Variants in STX11 observed in about 807,000 individuals in gnomAD.
The protein encoded by STX11 is syntaxin-11.
A neutral mutation model predicts 19.9 loss-of-function variants in STX11; 21 were observed. That is an observed-to-expected ratio of 1.06 (90% CI 0.75 to 1.52). STX11 has a LOEUF of 1.52. STX11 is among the 40% of genes most tolerant of loss of function. STX11 has a pLI of 0.00. For synonymous variants in STX11, 193 were observed against 174.4 expected (o/e 1.11, Z -0.84); for missense variants, 438 against 405.9 (o/e 1.08, Z -0.68).
chr6:144,141,060 CA>C, the STX11 span, among the ~76,000 whole-genome samples: 1 of 152,072 alleles, frequency 6.6e-6, no homozygotes, highest in Non-Finnish European at 1.5e-5. Context: ...CAGACGAAGG[CA>C]ATGGTGCAAA....
chr6:144,148,015 A>G (rs1800907920), upstream of STX11, among the ~76,000 whole-genome samples: 1 of 152,254 alleles, frequency 6.6e-6, no homozygotes, highest in African/African-American at 2.4e-5. Flanking sequence ...CATCAAATTA[A>G]CCATCACAGC....
intron 1 of STX11, among the ~76,000 whole-genome samples, chr6:144,164,237 A>G (rs1801419506): frequency 6.6e-6 from 1 of 152,146 alleles, no homozygotes; most frequent in Admixed American, 6.5e-5. Flanking sequence ...AGCCTTCCCA[A>G]CTTGGTTTAT....
chr6:144,140,060 G>T, the STX11 span, among the ~76,000 whole-genome samples: 1 of 151,164 alleles, frequency 6.6e-6, no homozygotes, highest in African/African-American at 2.4e-5. Context: ...AGGAGCGAGG[G>T]ACTGACAGGA....
chr6:144,164,404 C>T (rs537801665), intron 1 of STX11, among the ~76,000 whole-genome samples: 1 of 152,128 alleles, frequency 6.6e-6, no homozygotes, highest in African/African-American at 2.4e-5. Context: ...AAATTGTATG[C>T]ATTTCATGAT....
At chr6:144,179,220 C>G (rs534464109) in intron 1 of STX11, among the ~76,000 whole-genome samples, 1 of 152,322 alleles carries the variant, frequency 6.6e-6, no homozygotes, top group Admixed American at 6.5e-5. Flanking sequence ...ACCACCAGAA[C>G]AGCATGGGGG....
Position 144,169,886 on chromosome 6 carries a change from G to A in STX11, c.-5-16737G>A, listed in dbSNP as rs966469467. Among the ~76,000 whole-genome samples the A allele has an allele frequency of 3.3e-5, 5 of 152,080 alleles. No homozygotes were observed. Among genetic ancestry groups the A allele is most frequent in the African/African-American group, 1.2e-4 (5 of 41,412 alleles). On this transcript the variant is annotated intron_variant, in intron 1 of 1. Transcript: ENST00000367568. This position sits in a 1 kb window ranked among gnomAD's most constrained non-coding sequence, Gnocchi z 5.2. ...TTTTGTAGAGCCATAGTCTCACTAT[G>A]TTGCTAGTATTGAACTCCTGGGCTC...
At chr6:144,146,454 CATT>C (rs1350828121), upstream of STX11, among the ~76,000 whole-genome samples, 1 of 152,126 alleles carries the variant, frequency 6.6e-6, no homozygotes, top group Admixed American at 6.5e-5. This position sits in a 1 kb window ranked among gnomAD's most constrained non-coding sequence, Gnocchi z 4.4. Flanking sequence ...TAAACCCTGT[CATT>C]ATGTGCCACC....
rs1802097311 is a variant in STX11 at position 144,187,624 on chromosome 6, G to A, written c.*133G>A. On this transcript the variant is annotated 3_prime_UTR_variant, in exon 2 of 2. Coordinates refer to ENST00000367568, the MANE Select transcript of STX11 (RefSeq NM_003764.4). This position sits in a 1 kb window ranked among gnomAD's most constrained non-coding sequence, Gnocchi z 5.6. Reference sequence around the variant, plus strand: ...GGAACTCAGTCTTTAGAAAAGAAACGCCAGGTTCAAGAATTGCAAACCAGC... The same window carrying A: ...GGAACTCAGTCTTTAGAAAAGAAACACCAGGTTCAAGAATTGCAAACCAGC... The A allele has an allele frequency of 8.0e-7, 1 of 1,249,160 alleles. No individual in the cohort carries two copies. The highest frequency in any genetic ancestry group is 1.1e-6 in the Non-Finnish European group (1 of 891,334). 77.4% of individuals were successfully genotyped at this position (1,249,160 alleles called of 1,614,324 possible). A position where few individuals can be genotyped will look rare whatever the true frequency, so the allele number is the denominator to read the frequency against.
rs906263082 is a variant in STX11 at position 144,191,058 on chromosome 6, C to A, written c.*3567C>A. Among the ~76,000 whole-genome samples the A allele has an allele frequency of 3.3e-5, 5 of 151,904 alleles. No homozygotes were observed. Among genetic ancestry groups the A allele is most frequent in the African/African-American group, 1.2e-4 (5 of 41,334 alleles). On this transcript the variant is annotated 3_prime_UTR_variant, in exon 2 of 2. Transcript: ENST00000367568. Reference sequence around the variant, plus strand: ...TTCTGCAAATTTTATACACTCATATCTTTTAGGGTACAAAATGAAAGAACA... The same window carrying A: ...TTCTGCAAATTTTATACACTCATATATTTTAGGGTACAAAATGAAAGAACA...
chr6:144,185,113 T>C (rs1391245457), intron 1 of STX11, among the ~76,000 whole-genome samples: 1 of 152,222 alleles, frequency 6.6e-6, no homozygotes, highest in Non-Finnish European at 1.5e-5. Flanking sequence ...AATGGCACTT[T>C]AAGCAGCTTA....
chr6:144,144,447 G>A, the STX11 span, among the ~76,000 whole-genome samples: 204 of 152,230 alleles, frequency 1.3e-3, no homozygotes, highest in Non-Finnish European at 2.6e-3. Flanking sequence ...ATTTAAAGCC[G>A]GCCAGTTCTG....
rs1305294146 is a variant in STX11 at position 144,165,794 on chromosome 6, A to T, written c.-6+15091A>T. Among the ~76,000 whole-genome samples the T allele has an allele frequency of 6.6e-6, 1 of 152,210 alleles. No homozygotes were observed. The highest frequency in any genetic ancestry group is 2.4e-5 in the African/African-American group (1 of 41,452). On this transcript the variant is annotated intron_variant, in intron 1 of 1. Transcript: ENST00000367568. The surrounding 1 kb of genome is among the most constrained non-coding windows in gnomAD (Gnocchi z 5.8). Reference sequence around the variant, plus strand: ...CTAACTCCTAAGACTGTGTTTGTAAAATACTTTAAAGTTAACAAAGTGCTC... The same window carrying T: ...CTAACTCCTAAGACTGTGTTTGTAATATACTTTAAAGTTAACAAAGTGCTC...
chr6:144,184,117 G>A lies in STX11; in HGVS notation c.-5-2506G>A, dbSNP rs932169728. On this transcript the variant is annotated intron_variant, in intron 1 of 1. Transcript: ENST00000367568. The surrounding 1 kb of genome is among the most constrained non-coding windows in gnomAD (Gnocchi z 6.5). ...CTAACATTGATGGGCATTTGGGTTGGTTCCGTGTCTTTGCTATTGTGAATA... is the reference window on the plus strand; with the variant it reads ...CTAACATTGATGGGCATTTGGGTTGATTCCGTGTCTTTGCTATTGTGAATA... Among the ~76,000 whole-genome samples, 1 of 152,168 alleles carries A rather than the reference G, an allele frequency of 6.6e-6. No homozygotes were observed. The highest frequency in any genetic ancestry group is 1.5e-5 in the Non-Finnish European group (1 of 68,020).
chr6:144,170,144 G>A lies in STX11; in HGVS notation c.-5-16479G>A, dbSNP rs1327573630. On this transcript the variant is annotated intron_variant, in intron 1 of 1. Transcript: ENST00000367568. This position sits in a 1 kb window ranked among gnomAD's most constrained non-coding sequence, Gnocchi z 4.7. ...TTCTTTGCTACAGATAAACATAAAC[G>A]CTTCCCCTTTTTCTTGTCACTGTTA... Among the ~76,000 whole-genome samples, 3 of 152,088 alleles carry A rather than the reference G, an allele frequency of 2.0e-5. No homozygotes were observed. Among genetic ancestry groups the A allele is most frequent in the Non-Finnish European group, 4.4e-5 (3 of 68,012 alleles).
rs1043944841 is a variant in STX11, at chr6:144,169,338, G to A, written c.-5-17285G>A. ...TCAAATTTTCATCAGCAATGACCTT[G>A]GCAAATTCATCAATTAATTTCTCTG... On this transcript the variant is annotated intron_variant, in intron 1 of 1. Transcript: ENST00000367568. The surrounding 1 kb of genome is among the most constrained non-coding windows in gnomAD (Gnocchi z 5.2). Among the ~76,000 whole-genome samples, 1 of 152,180 alleles carries A rather than the reference G, an allele frequency of 6.6e-6. No individual in the cohort carries two copies. Among genetic ancestry groups the A allele is most frequent in the African/African-American group, 2.4e-5 (1 of 41,434 alleles).
At position 144,167,510 on chromosome 6, in the gene STX11, A is replaced by G. The variant is rs1277224912; in HGVS notation, c.-6+16807A>G. Among the ~76,000 whole-genome samples, 2 of 152,354 alleles carry G rather than the reference A, an allele frequency of 1.3e-5. No individual in the cohort carries two copies. Among genetic ancestry groups the G allele is most frequent in the South Asian group, 2.1e-4 (1 of 4,828 alleles). ...ACCATCAGAAAACAAAGGTGTCACTATCTCAGGCACCCACGTGGACAATCT... is the reference window on the plus strand; with the variant it reads ...ACCATCAGAAAACAAAGGTGTCACTGTCTCAGGCACCCACGTGGACAATCT... On this transcript the variant is annotated intron_variant, in intron 1 of 1. Coordinates refer to ENST00000367568, the MANE Select transcript of STX11 (RefSeq NM_003764.4). The surrounding 1 kb of genome is among the most constrained non-coding windows in gnomAD (Gnocchi z 5.0).
At chr6:144,168,896 C>A (rs1405068738) in intron 1 of STX11, among the ~76,000 whole-genome samples, 1 of 152,208 alleles carries the variant, frequency 6.6e-6, no homozygotes, top group African/African-American at 2.4e-5. Flanking sequence ...AAGTACGTGG[C>A]ATAAACATTA....
rs755353505 is a variant in STX11 at position 144,169,808 on chromosome 6, C to CT, written c.-5-16813dup. On this transcript the variant is annotated intron_variant, in intron 1 of 1. Coordinates refer to ENST00000367568, the MANE Select transcript of STX11 (RefSeq NM_003764.4). This position sits in a 1 kb window ranked among gnomAD's most constrained non-coding sequence, Gnocchi z 5.2. Reference sequence around the variant, plus strand: ...TCAAGTGATACTCTGACCTCATCCTCTTGAGTAGCTAGGACTACAGGCACA... The same window carrying CT: ...TCAAGTGATACTCTGACCTCATCCTCTTTGAGTAGCTAGGACTACAGGCACA... 5.9e-4 allele frequency among the ~76,000 whole-genome samples: 90 copies of CT among 152,232 alleles called. No individual in the cohort carries two copies. Among genetic ancestry groups the CT allele is most frequent in the Admixed American group, 3.2e-3 (49 of 15,284 alleles).
rs546691032 is a variant in STX11, at chr6:144,154,791, G to A, written c.-6+4088G>A. Among the ~76,000 whole-genome samples the A allele has an allele frequency of 6.6e-6, 1 of 151,574 alleles. No homozygotes were observed. The highest frequency in any genetic ancestry group is 1.5e-5 in the Non-Finnish European group (1 of 68,028). On this transcript the variant is annotated intron_variant, in intron 1 of 1. Transcript: ENST00000367568. The surrounding 1 kb of genome is among the most constrained non-coding windows in gnomAD (Gnocchi z 4.7). ...TAACTTCCAGAATTTTATTAAGTGA[G>A]TCTGGTCCTGCTGTGTCTCCTGTCC...
Sources: allele counts gnomAD v4.1 joint callset (sites outside exome capture counted in the v4.1 genomes callset), GRCh38; gene constraint gnomAD v4.1.1; non-coding constraint Gnocchi (gnomAD v3.1); transcripts MANE v1.5; gene names NCBI Gene and HGNC (gene_info 2026-07-23, HGNC 2026-07-21).